Variants in INTS15 observed in about 807,000 individuals in gnomAD.
INTS15 encodes uncharacterized protein C7orf26.
chr7:6,603,863 G>T, the INTS15 span, among the ~76,000 whole-genome samples: 4 of 151,968 alleles, frequency 2.6e-5, no homozygotes, highest in Non-Finnish European at 5.9e-5. Context: ...GGCCAAATAT[G>T]GTGGCGTGCA....
At chr7:6,607,924 G>GCCCGC in the INTS15 span, 1 of 1,595,446 alleles carries the variant, frequency 6.3e-7, no homozygotes, top group Non-Finnish European at 8.5e-7. This position sits in a 1 kb window ranked among gnomAD's most constrained non-coding sequence, Gnocchi z 6.0. Flanking sequence ...AGTCCCCGGA[G>GCCCGC]CCCGCCCGCG....
At chr7:6,595,416 G>T in the INTS15 span, among the ~76,000 whole-genome samples, 1 of 152,014 alleles carries the variant, frequency 6.6e-6, no homozygotes, top group Non-Finnish European at 1.5e-5. Flanking sequence ...CTCCCACCTC[G>T]GCCTCCTAAA....
the INTS15 span, among the ~76,000 whole-genome samples, chr7:6,593,572 G>C: frequency 0.023 from 3,469 of 151,530 alleles, 65 homozygotes; most frequent in Middle Eastern, 0.038. Flanking sequence ...CTGACCTTGT[G>C]ATCCGCCTGC....
chr7:6,590,554 C>T, the INTS15 span: 3 of 1,410,890 alleles, frequency 2.1e-6, no homozygotes, highest in African/African-American at 1.5e-5. Context: ...AGGGCTGTGT[C>T]AAGCCGCGGG....
chr7:6,593,978 C>A, the INTS15 span, among the ~76,000 whole-genome samples: 2 of 147,934 alleles, frequency 1.4e-5, no homozygotes, highest in South Asian at 2.1e-4. Context: ...ATTGCCCACC[C>A]CTGCTTCAGT....
chr7:6,608,188 C>T, the INTS15 span: 1 of 1,541,778 alleles, frequency 6.5e-7, no homozygotes, highest in Non-Finnish European at 8.7e-7. Flanking sequence ...CTTCTGCGCT[C>T]TCGCTGGACG....
the INTS15 span, among the ~76,000 whole-genome samples, chr7:6,596,376 C>CCTTT: frequency 9.3e-6 from 1 of 107,894 alleles, no homozygotes; most frequent in Non-Finnish European, 1.9e-5. Flanking sequence ...ATCTGTCACC[C>CCTTT]TTTTTTTTTT....
the INTS15 span, chr7:6,591,873 G>A: frequency 6.2e-7 from 1 of 1,609,998 alleles, no homozygotes; most frequent in Middle Eastern, 1.7e-4. Flanking sequence ...TTCAGGTACT[G>A]CTCAAGAGAG....
At chr7:6,601,739 C>G in the INTS15 span, among the ~76,000 whole-genome samples, 1 of 150,822 alleles carries the variant, frequency 6.6e-6, no homozygotes, top group African/African-American at 2.4e-5. Flanking sequence ...TTACTGCAAC[C>G]TCCCTCTCCC....
chr7:6,602,824 C>A, the INTS15 span: 1 of 452,268 alleles, frequency 2.2e-6, no homozygotes, highest in South Asian at 1.6e-5. Context: ...TCCATATGTC[C>A]TTGGTCAGCT....
chr7:6,594,391 C>A, the INTS15 span: 1 of 1,607,608 alleles, frequency 6.2e-7, no homozygotes, highest in Non-Finnish European at 8.5e-7. Context: ...GGTCTACTCA[C>A]TCACGACATC....
the INTS15 span, among the ~76,000 whole-genome samples, chr7:6,594,996 A>T: frequency 6.6e-6 from 1 of 151,662 alleles, no homozygotes. Flanking sequence ...CCAAACTGCT[A>T]GGATTATAGG....
chr7:6,601,289 AT>A, the INTS15 span, among the ~76,000 whole-genome samples: 1 of 148,248 alleles, frequency 6.7e-6, no homozygotes, highest in East Asian at 2.0e-4. Flanking sequence ...GGCATAATTT[AT>A]TTTTATTCAT....
chr7:6,593,218 T>G, the INTS15 span, among the ~76,000 whole-genome samples: 2 of 152,196 alleles, frequency 1.3e-5, no homozygotes, highest in African/African-American at 4.8e-5. Context: ...ACCTCTTTCC[T>G]TCTAGTGCAA....
chr7:6,604,805 G>C, the INTS15 span, among the ~76,000 whole-genome samples: 1 of 152,328 alleles, frequency 6.6e-6, no homozygotes, highest in East Asian at 1.9e-4. Flanking sequence ...CACTCTGCCA[G>C]GTTCTGCAAG....
the INTS15 span, among the ~76,000 whole-genome samples, chr7:6,597,475 C>T: frequency 4.6e-5 from 7 of 152,064 alleles, no homozygotes; most frequent in East Asian, 3.9e-4. Context: ...TTGTATTTTT[C>T]GTGGAGTCAG....
chr7:6,600,462 C>G, the INTS15 span: 1 of 1,194,440 alleles, frequency 8.4e-7, no homozygotes, highest in East Asian at 2.6e-5. Context: ...TTTAGGACTT[C>G]TTTTCCTCCT....
chr7:6,607,462 C>T, the INTS15 span: 23 of 1,166,752 alleles, frequency 2.0e-5, 1 homozygote, highest in South Asian at 1.7e-4. This position sits in a 1 kb window ranked among gnomAD's most constrained non-coding sequence, Gnocchi z 6.0. Context: ...GGGTGGGTCC[C>T]GGAGGTCTGT....
the INTS15 span, among the ~76,000 whole-genome samples, chr7:6,600,991 G>A: frequency 6.6e-6 from 1 of 151,958 alleles, no homozygotes; most frequent in African/African-American, 2.4e-5. Flanking sequence ...TATGAGACAG[G>A]GTTTCTCACT....
Sources: gnomAD v4.1 joint callset for allele counts (sites outside exome capture counted in the v4.1 genomes callset) on GRCh38, gnomAD v4.1.1 for gene constraint, Gnocchi (gnomAD v3.1) non-coding constraint, MANE v1.5 for transcripts, NCBI Gene and HGNC (gene_info 2026-07-23, HGNC 2026-07-21) for gene names.